Variants in KLF6 observed in about 807,000 individuals in gnomAD.
KLF6 encodes KLF transcription factor 6.
For synonymous variants in KLF6, 152 were observed against 147.9 expected (o/e 1.03, Z -0.20); for missense variants, 233 against 359.8 (o/e 0.65, Z 2.85).
chr10:3,781,396 G>A lies in KLF6; in HGVS notation c.676+245C>T. ...GAGGTTTGGGTGTCCGTGGAGAAAA[G>A]GATCTAGTCTCTTGTTTGTTTAATC... On this transcript the variant is annotated intron_variant, in intron 2 of 3. Coordinates refer to ENST00000497571, the MANE Select transcript of KLF6 (RefSeq NM_001300.6). The surrounding 1 kb of genome is among the most constrained non-coding windows in gnomAD (Gnocchi z 5.8). 6.8e-7 allele frequency: 1 copy of A among 1,472,736 alleles called. No individual in the cohort carries two copies. Among genetic ancestry groups the A allele is most frequent in the Non-Finnish European group, 9.0e-7 (1 of 1,112,344 alleles). 91.2% of individuals were successfully genotyped at this position (1,472,736 alleles called of 1,614,324 possible). A position where few individuals can be genotyped will look rare whatever the true frequency, so the allele number is the denominator to read the frequency against.
Position 3,782,311 on chromosome 10 carries a change from T to A in KLF6, c.103-97A>T, listed in dbSNP as rs1036581376. The A allele has an allele frequency of 2.0e-6, 2 of 982,732 alleles. No individual in the cohort carries two copies. The highest frequency in any genetic ancestry group is 3.2e-5 in the African/African-American group (2 of 63,026). The allele number at this position is 982,732 out of a possible 1,614,324, so 60.9% of individuals were successfully genotyped here. On this transcript the variant is annotated intron_variant, in intron 1 of 3. Coordinates refer to ENST00000497571, the MANE Select transcript of KLF6 (RefSeq NM_001300.6). The surrounding 1 kb of genome is among the most constrained non-coding windows in gnomAD (Gnocchi z 4.3). Reference sequence around the variant, plus strand: ...AAAACATGCAAGAATGAAGGACAGATAACATTGCTGCCCGGTCACTACAGG... The same window carrying A: ...AAAACATGCAAGAATGAAGGACAGAAAACATTGCTGCCCGGTCACTACAGG...
chr10:3,781,775 C>T lies in KLF6; in HGVS notation c.542G>A (p.Gly181Glu). ...SPGKVRSGTS[G>E]KPGDKGNGDA... ...GCCATTTCCCTTGTCACCTGGCTTCCCCGAAGTCCCGCTGCGCACCTTCCC... is the reference window on the plus strand; with the variant it reads ...GCCATTTCCCTTGTCACCTGGCTTCTCCGAAGTCCCGCTGCGCACCTTCCC... Residue 181 changes from glycine to glutamate, a missense_variant, in exon 2 of 4, where the codon GGG (glycine) becomes GAG (glutamate). Transcript: ENST00000497571. This position sits in a 1 kb window ranked among gnomAD's most constrained non-coding sequence, Gnocchi z 5.8. The T allele has an allele frequency of 6.2e-7, 1 of 1,614,248 alleles. No individual in the cohort carries two copies. Among genetic ancestry groups the T allele is most frequent in the African/African-American group, 1.3e-5 (1 of 75,076 alleles).
intron 1 of KLF6, among the ~76,000 whole-genome samples, chr10:3,784,072 G>C (rs1292974426): frequency 2.0e-5 from 3 of 152,198 alleles, no homozygotes; most frequent in Non-Finnish European, 2.9e-5. Context: ...TTCACTTTGT[G>C]ACGAAAAACA....
Position 3,779,199 on chromosome 10 carries a change from A to C in KLF6, c.*340T>G. On this transcript the variant is annotated 3_prime_UTR_variant, in exon 4 of 4. Transcript: ENST00000497571. ...CAGTCTTGCTAACCACAAGGAAAAA[A>C]AGTTGGCCTCATCATACGGTCAGTA... 1.8e-6 allele frequency: 1 copy of C among 560,414 alleles called. No individual in the cohort carries two copies. Among genetic ancestry groups the C allele is most frequent in the South Asian group, 1.5e-5 (1 of 65,398 alleles). The allele number at this position is 560,414 out of a possible 1,614,324, so 34.7% of individuals were successfully genotyped here. A position where few individuals can be genotyped will look rare whatever the true frequency, so the allele number is the denominator to read the frequency against.
Position 3,780,498 on chromosome 10 carries a change from C to T in KLF6, c.677-269G>A, listed in dbSNP as rs1588342649. The T allele has an allele frequency of 1.9e-6, 1 of 514,518 alleles. No homozygotes were observed. Among genetic ancestry groups the T allele is most frequent in the South Asian group, 2.0e-5 (1 of 50,450 alleles). 31.9% of individuals were successfully genotyped at this position (514,518 alleles called of 1,614,324 possible). A position where few individuals can be genotyped will look rare whatever the true frequency, so the allele number is the denominator to read the frequency against. On this transcript the variant is annotated intron_variant, in intron 2 of 3. Transcript: ENST00000497571. The surrounding 1 kb of genome is among the most constrained non-coding windows in gnomAD (Gnocchi z 4.6). ...AGTTAACGTGGAAGAACGACCACGA[C>T]TCAGACCAGCAAAATGCTTGCGGGA...
chr10:3,778,254 GTA>G lies in KLF6; in HGVS notation c.*1283_*1284del. The G allele has an allele frequency of 1.9e-6, 1 of 527,212 alleles. No individual in the cohort carries two copies. The highest frequency in any genetic ancestry group is 1.5e-5 in the South Asian group (1 of 65,114). The allele number at this position is 527,212 out of a possible 1,614,324, so 32.7% of individuals were successfully genotyped here. A position where few individuals can be genotyped will look rare whatever the true frequency, so the allele number is the denominator to read the frequency against. ...TAAAGCATGCATCGCCCACACCCCT[GTA>G]TGAGACCCCCACAGAAGGGATCGCT... is the stretch of plus-strand genomic sequence containing the variant. On this transcript the variant is annotated 3_prime_UTR_variant, in exon 4 of 4. Coordinates refer to ENST00000497571, the MANE Select transcript of KLF6 (RefSeq NM_001300.6).
Position 3,781,723 on chromosome 10 carries a change from C to T in KLF6, c.594G>A (p.Arg198=), listed in dbSNP as rs189789740. The T allele has an allele frequency of 2.1e-4, 343 of 1,614,200 alleles. 5 individuals are homozygous for T. In the East Asian group the frequency reaches 7.5e-3, roughly 35 times the overall value. The part of the protein sequence containing the change: ...NGDASPDGRR[R]VHRCHFNGCR... The stretch of plus-strand genomic sequence containing the variant: ...AGCCGTTAAAGTGGCACCGGTGCAC[C>T]CTCCTCCTGCCGTCGGGGGAGGCAT... The change falls in exon 2 of 4, where the codon AGG becomes AGA. Residue 198 remains arginine (R), a synonymous_variant. Transcript: ENST00000497571. The surrounding 1 kb of genome is among the most constrained non-coding windows in gnomAD (Gnocchi z 5.8).
rs1284854948 is a variant in KLF6 at position 3,777,540 on chromosome 10, T to G, written c.*1999A>C. On this transcript the variant is annotated 3_prime_UTR_variant, in exon 4 of 4. Transcript: ENST00000497571. ...AGGTGCCCCATTCCAGACCTGCCCA[T>G]TTGATGGACAGAGCAGACAGCCCGG... 2.0e-6 allele frequency: 1 copy of G among 511,272 alleles called. No individual in the cohort carries two copies. The highest frequency in any genetic ancestry group is 1.9e-5 in the African/African-American group (1 of 52,480). 31.7% of individuals were successfully genotyped at this position (511,272 alleles called of 1,614,324 possible).
At chr10:3,784,848 AC>A in intron 1 of KLF6, 64 bp downstream of exon 1, 2 of 1,504,852 alleles carry the variant, frequency 1.3e-6, no homozygotes, top group Non-Finnish European at 1.8e-6. Context: ...CCGGGTCTGA[AC>A]CCCAAACAGC....
chr10:3,785,022 CG>C lies in KLF6; in HGVS notation c.-9del. On this transcript the variant is annotated 5_prime_UTR_variant, in exon 1 of 4. Transcript: ENST00000497571. ...CATGGGGAGCACGTCCATGTCGGGC[CG>C]GGTTGGACGGAGCCCGCGGTCGCGA... 6.2e-7 allele frequency: 1 copy of C among 1,610,464 alleles called. No homozygotes were observed. The highest frequency in any genetic ancestry group is 8.5e-7 in the Non-Finnish European group (1 of 1,178,084).
Position 3,779,320 on chromosome 10 carries a change from G to C in KLF6, c.*219C>G. The stretch of plus-strand genomic sequence containing the variant: ...GCGCCGCTCGGAAGGGCGGGTACCA[G>C]TGGCGAGTCCAGGGTCACCCACATA... On this transcript the variant is annotated 3_prime_UTR_variant, in exon 4 of 4. Coordinates refer to ENST00000497571, the MANE Select transcript of KLF6 (RefSeq NM_001300.6). 3 of 671,658 alleles carry C rather than the reference G, an allele frequency of 4.5e-6. No individual in the cohort carries two copies. The highest frequency in any genetic ancestry group is 3.5e-5 in the African/African-American group (2 of 56,850). The allele number at this position is 671,658 out of a possible 1,614,324, so 41.6% of individuals were successfully genotyped here. A position where few individuals can be genotyped will look rare whatever the true frequency, so the allele number is the denominator to read the frequency against.
chr10:3,782,133 C>A lies in KLF6; in HGVS notation c.184G>T (p.Asp62Tyr). ...ASEIKFDSQE[D>Y]LWTKIILARE... ...GCCAGAATGATTTTGGTCCACAGAT[C>A]TTCCTGGCTGTCAAATTTGATTTCT... Residue 62 changes from aspartate (D) to tyrosine (Y), a missense_variant, in exon 2 of 4, where the codon GAT (aspartate) becomes TAT (tyrosine). Asp to Tyr is a radical substitution (Grantham distance 160). Coordinates refer to ENST00000497571, the MANE Select transcript of KLF6 (RefSeq NM_001300.6). This position sits in a 1 kb window ranked among gnomAD's most constrained non-coding sequence, Gnocchi z 4.3. 1 of 1,613,996 alleles carries A rather than the reference C, an allele frequency of 6.2e-7. No homozygotes were observed. Among genetic ancestry groups the A allele is most frequent in the East Asian group, 2.2e-5 (1 of 44,880 alleles).
chr10:3,779,216 C>T lies in KLF6; in HGVS notation c.*323G>A, dbSNP rs540630607. 27 of 567,006 alleles carry T rather than the reference C, an allele frequency of 4.8e-5. No homozygotes were observed. Among genetic ancestry groups the T allele is most frequent in the African/African-American group, 9.1e-5 (5 of 54,982 alleles). 35.1% of individuals were successfully genotyped at this position (567,006 alleles called of 1,614,324 possible). ...AGGAAAAAAAGTTGGCCTCATCATA[C>T]GGTCAGTAATAGATCCTCAACATAC... On this transcript the variant is annotated 3_prime_UTR_variant, in exon 4 of 4. Coordinates refer to ENST00000497571, the MANE Select transcript of KLF6 (RefSeq NM_001300.6).
In KLF6 at chr10:3,782,373, C is replaced by T. The variant is rs1290462330; in HGVS notation, c.103-159G>A. Among the ~76,000 whole-genome samples, 1 of 152,170 alleles carries T rather than the reference C, an allele frequency of 6.6e-6. No individual in the cohort carries two copies. The highest frequency in any genetic ancestry group is 1.5e-5 in the Non-Finnish European group (1 of 68,040). ...TTGTAATTAAGCATCCGTGTCCTTA[C>T]GGAAGTTAGAGGAAATCTGTTTCTA... On this transcript the variant is annotated intron_variant, in intron 1 of 3. Transcript: ENST00000497571. This position sits in a 1 kb window ranked among gnomAD's most constrained non-coding sequence, Gnocchi z 4.3.
Position 3,779,114 on chromosome 10 carries a change from T to A in KLF6, c.*425A>T. 1.9e-6 allele frequency: 1 copy of A among 537,058 alleles called. No homozygotes were observed. The highest frequency in any genetic ancestry group is 3.6e-6 in the Non-Finnish European group (1 of 278,038). 33.3% of individuals were successfully genotyped at this position (537,058 alleles called of 1,614,324 possible). A position where few individuals can be genotyped will look rare whatever the true frequency, so the allele number is the denominator to read the frequency against. On this transcript the variant is annotated 3_prime_UTR_variant, in exon 4 of 4. Transcript: ENST00000497571. ...CCCAAGGAAATGATTGGTGGTCATCTCATCTCATGGTATACTCCTTACACA... is the reference window on the plus strand; with the variant it reads ...CCCAAGGAAATGATTGGTGGTCATCACATCTCATGGTATACTCCTTACACA...
At position 3,784,988 on chromosome 10, in the gene KLF6, G is replaced by T. The variant is rs1275169211; in HGVS notation, c.27C>A (p.Ile9=). The change falls in exon 1 of 4, where the codon ATC becomes ATA. Residue 9 remains isoleucine (I), a synonymous_variant. Transcript: ENST00000497571. MDVLPMCS[I]FQELQIVHET... ...CGTGCACGATCTGGAGCTCCTGGAA[G>T]ATGCTGCACATGGGGAGCACGTCCA... The T allele has an allele frequency of 6.2e-7, 1 of 1,608,482 alleles. No homozygotes were observed. Among genetic ancestry groups the T allele is most frequent in the Non-Finnish European group, 8.5e-7 (1 of 1,176,438 alleles).
Position 3,777,463 on chromosome 10 carries a change from C to T in KLF6, c.*2076G>A, listed in dbSNP as rs1277447055. Reference sequence around the variant, plus strand: ...TTCAAAATCAAAACCTTAGTGTGTCCGAGTCCAGCCTGGGTTCCAGCATTC... The same window carrying T: ...TTCAAAATCAAAACCTTAGTGTGTCTGAGTCCAGCCTGGGTTCCAGCATTC... On this transcript the variant is annotated 3_prime_UTR_variant, in exon 4 of 4. Transcript: ENST00000497571. 6 of 511,074 alleles carry T rather than the reference C, an allele frequency of 1.2e-5. No homozygotes were observed. Among genetic ancestry groups the T allele is most frequent in the Admixed American group, 4.5e-5 (2 of 44,188 alleles). 31.7% of individuals were successfully genotyped at this position (511,074 alleles called of 1,614,324 possible).
At position 3,785,160 on chromosome 10, in the gene KLF6, C is replaced by A. The variant is rs773196096; in HGVS notation, c.-146G>T. ...GACGCCCGGCCGGACCCTCCCGCAGCCCGCAGCGCGCGGAGCCCACACAAT... is the reference window on the plus strand; with the variant it reads ...GACGCCCGGCCGGACCCTCCCGCAGACCGCAGCGCGCGGAGCCCACACAAT... On this transcript the variant is annotated 5_prime_UTR_variant, in exon 1 of 4. Coordinates refer to ENST00000497571, the MANE Select transcript of KLF6 (RefSeq NM_001300.6). 3 of 1,494,492 alleles carry A rather than the reference C, an allele frequency of 2.0e-6. No homozygotes were observed. Among genetic ancestry groups the A allele is most frequent in the South Asian group, 2.4e-5 (2 of 82,852 alleles). The allele number at this position is 1,494,492 out of a possible 1,614,324, so 92.6% of individuals were successfully genotyped here. A position where few individuals can be genotyped will look rare whatever the true frequency, so the allele number is the denominator to read the frequency against.
In KLF6 at chr10:3,779,019, C is replaced by CTT. The variant is rs1564294054; in HGVS notation, c.*518_*519dup. 3 of 529,620 alleles carry CTT rather than the reference C, an allele frequency of 5.7e-6. No homozygotes were observed. The highest frequency in any genetic ancestry group is 1.1e-5 in the Non-Finnish European group (3 of 275,080). 32.8% of individuals were successfully genotyped at this position (529,620 alleles called of 1,614,324 possible). ...ACGCCCACCCTCCAAGATTTTCCTTCTTTTTTTGTTTTTGTTTTTTTGTTT... is the reference window on the plus strand; with the variant it reads ...ACGCCCACCCTCCAAGATTTTCCTTCTTTTTTTTTGTTTTTGTTTTTTTGTTT... On this transcript the variant is annotated 3_prime_UTR_variant, in exon 4 of 4. Coordinates refer to ENST00000497571, the MANE Select transcript of KLF6 (RefSeq NM_001300.6).
Sources: allele counts gnomAD v4.1 joint callset (sites outside exome capture counted in the v4.1 genomes callset), GRCh38; gene constraint gnomAD v4.1.1; non-coding constraint Gnocchi (gnomAD v3.1); transcripts MANE v1.5; gene names NCBI Gene and HGNC (gene_info 2026-07-23, HGNC 2026-07-21).